ACSL6: variants seen among roughly 807,000 people sequenced by gnomAD.
ACSL6 encodes the protein acyl-CoA synthetase long chain family member 6.
ACSL6 carries 47 observed loss-of-function variants against 98.2 expected under a neutral mutation model. The observed-to-expected ratio is 0.48, with a 90% CI of 0.38 to 0.61. The LOEUF is 0.61. ACSL6 is among the 20% of genes least tolerant of loss of function. The probability of loss-of-function intolerance (pLI) is 0.00; values close to 1 mark genes in which losing one functional copy is unlikely to be tolerated. For synonymous variants in ACSL6, 362 were observed against 336.9 expected, an observed-to-expected ratio of 1.07 and a Z score of -0.82; for missense variants, 761 against 913.4, an observed-to-expected ratio of 0.83 and a Z score of 2.15.
At chr5:131,986,894 C>A (rs1478766309) in intron 7 of ACSL6, 40 bp from the exon 8 acceptor site, 1 of 1,447,978 alleles carries the variant, frequency 6.9e-7, no homozygotes, top group Non-Finnish European at 9.5e-7. Context: ...CTCAAAAGTT[C>A]TCTCTCTCTC....
Position 131,967,960 on chromosome 5 carries a change from C to A in ACSL6, c.1576G>T (p.Ala526Ser). 6.2e-7 allele frequency: 1 copy of A among 1,613,958 alleles called. No homozygotes were observed. The highest frequency in any genetic ancestry group is 1.3e-5 in the African/African-American group (1 of 75,032). The change falls in exon 16 of 21, where the codon GCC (alanine) becomes TCC (serine). Residue 526 changes from alanine (A) to serine (S), a missense_variant. Physicochemically the swap from Ala to Ser is moderately conservative, Grantham distance 99. Coordinates refer to ENST00000651883, the MANE Select transcript of ACSL6 (RefSeq NM_001009185.3). Reference protein sequence around the residue: ...LVDVEELNYWACKGEGEICVR... With the variant: ...LVDVEELNYWSCKGEGEICVR... The stretch of plus-strand genomic sequence containing the variant: ...TTTACCTCTCCCTCTCCTTTGCAGG[C>A]CCAGTAGTTCAGTTCCTCAACATCA...
chr5:131,985,258 T>G, intron 9 of ACSL6, 149 bp downstream of exon 9: 1 of 917,178 alleles, frequency 1.1e-6, no homozygotes. Context: ...CACTGGGAGG[T>G]GCAGGAGGTC....
At chr5:132,002,386 G>T (rs1270081543) in intron 1 of ACSL6, among the ~76,000 whole-genome samples, 1 of 152,238 alleles carries the variant, frequency 6.6e-6, no homozygotes, top group Non-Finnish European at 1.5e-5. Flanking sequence ...GGCTGCTCAT[G>T]GCGAGGCCAT....
At chr5:131,999,820 G>A (rs772442376) in intron 1 of ACSL6, among the ~76,000 whole-genome samples, 2 of 152,156 alleles carry the variant, frequency 1.3e-5, no homozygotes, top group African/African-American at 2.4e-5. Context: ...CCCTGCCAGC[G>A]TGCCAGAGCC....
At chr5:131,957,480 A>G (rs1752474010) in intron 20 of ACSL6, among the ~76,000 whole-genome samples, 1 of 152,240 alleles carries the variant, frequency 6.6e-6, no homozygotes, top group Non-Finnish European at 1.5e-5. Context: ...TCCATAAATT[A>G]ATAATGGTTG....
At chr5:131,968,836 G>C (rs1753157203) in intron 15 of ACSL6, among the ~76,000 whole-genome samples, 1 of 152,188 alleles carries the variant, frequency 6.6e-6, no homozygotes, top group South Asian at 2.1e-4. Flanking sequence ...TAAAAGAGAG[G>C]CTGTCAAATT....
At chr5:131,954,671 G>T (rs116820278) in intron 20 of ACSL6, among the ~76,000 whole-genome samples, 4 of 152,118 alleles carry the variant, frequency 2.6e-5, no homozygotes, top group African/African-American at 9.7e-5. Context: ...GCACATTCAC[G>T]TCCAGTAGTG....
chr5:131,991,513 AG>A (rs1281320834), intron 2 of ACSL6, among the ~76,000 whole-genome samples: 2 of 152,216 alleles, frequency 1.3e-5, no homozygotes, highest in Non-Finnish European at 2.9e-5. Context: ...ACAGAAGCCT[AG>A]GAGGCTAGGG....
At chr5:131,960,377 T>C in intron 19 of ACSL6, 143 bp downstream of exon 19, 1 of 553,796 alleles carries the variant, frequency 1.8e-6, no homozygotes, top group Non-Finnish European at 3.1e-6. Context: ...AATCTCTGGT[T>C]TAGAATCCCC....
intron 16 of ACSL6, among the ~76,000 whole-genome samples, chr5:131,967,099 C>A (rs1030329898): frequency 6.6e-6 from 1 of 152,020 alleles, no homozygotes; most frequent in Non-Finnish European, 1.5e-5. Context: ...AATCCCAGTG[C>A]TTTGGGAAGC....
intron 18 of ACSL6, among the ~76,000 whole-genome samples, chr5:131,961,803 C>T (rs926846992): frequency 1.3e-5 from 2 of 152,040 alleles, no homozygotes; most frequent in Admixed American, 6.5e-5. Flanking sequence ...ATCCTAGTAA[C>T]CTATATTAGT....
rs183853651 is a variant in ACSL6 at position 132,005,241 on chromosome 5, G to T, written c.49+6264C>A. Among the ~76,000 whole-genome samples, 646 of 152,322 alleles carry T rather than the reference G, an allele frequency of 4.2e-3. 4 individuals carry two copies. The highest frequency in any genetic ancestry group is 0.014 in the African/African-American group (562 of 41,572). On this transcript the variant is annotated intron_variant, in intron 1 of 20. Transcript: ENST00000651883. ...CCCATCTGCTGGAAAGCACAGTCACGATGAACACTGAAGTTCTCCAGCCAC... is the reference window on the plus strand; with the variant it reads ...CCCATCTGCTGGAAAGCACAGTCACTATGAACACTGAAGTTCTCCAGCCAC...
chr5:131,953,905 T>A lies in ACSL6; in HGVS notation c.*329A>T. 1 of 219,528 alleles carries A rather than the reference T, an allele frequency of 4.6e-6. No homozygotes were observed. Among genetic ancestry groups the A allele is most frequent in the Non-Finnish European group, 9.1e-6 (1 of 109,836 alleles). 13.6% of individuals were successfully genotyped at this position (219,528 alleles called of 1,614,324 possible). A position where few individuals can be genotyped will look rare whatever the true frequency, so the allele number is the denominator to read the frequency against. On this transcript the variant is annotated 3_prime_UTR_variant, in exon 21 of 21. Transcript: ENST00000651883. ...ATAATTAAGTAGAATATATCACTTA[T>A]GTTTTTCCTTTATGTTTAATAGTTC... is the stretch of plus-strand genomic sequence containing the variant.
intron 20 of ACSL6, among the ~76,000 whole-genome samples, chr5:131,956,108 G>A (rs1174679142): frequency 3.9e-5 from 6 of 152,120 alleles, no homozygotes; most frequent in Admixed American, 3.9e-4. Context: ...TTGTATAATT[G>A]GGACAAGAGT....
intron 3 of ACSL6, among the ~76,000 whole-genome samples, chr5:131,990,604 T>C (rs1372973313): frequency 6.6e-6 from 1 of 151,800 alleles, no homozygotes; most frequent in Non-Finnish European, 1.5e-5. Flanking sequence ...GAGTATAGAG[T>C]GTGGGCCAAG....
chr5:131,969,148 TG>T (rs1753171306), intron 15 of ACSL6, among the ~76,000 whole-genome samples: 1 of 152,196 alleles, frequency 6.6e-6, no homozygotes, highest in African/African-American at 2.4e-5. Context: ...TTTCCAAGCC[TG>T]GGGCCACTCT....
chr5:131,976,816 G>A, intron 9 of ACSL6, 95 bp from the exon 10 acceptor site: 2 of 993,202 alleles, frequency 2.0e-6, no homozygotes, highest in South Asian at 1.3e-5. Context: ...CACCCATGCT[G>A]TCTACCCAAG....
chr5:131,993,753 T>C (rs1754646859), intron 2 of ACSL6: 1 of 437,306 alleles, frequency 2.3e-6, no homozygotes, highest in Non-Finnish European at 4.2e-6. Flanking sequence ...GCAATACCAA[T>C]GAGCCAAGGC....
Position 131,988,137 on chromosome 5 carries a change from G to C in ACSL6, c.742C>G (p.Leu248Val). The C allele has an allele frequency of 1.2e-6, 2 of 1,614,206 alleles. No individual in the cohort carries two copies. Among genetic ancestry groups the C allele is most frequent in the Non-Finnish European group, 1.7e-6 (2 of 1,180,032 alleles). The change falls in exon 7 of 21, where the codon CTG (leucine) becomes GTG (valine). Residue 248 changes from leucine (L) to valine (V), a missense_variant. By Grantham distance (32) the Leu-to-Val change is conservative. Transcript: ENST00000651883. ...VERKETPGLKLIILMDPFEEA... is the reference protein window; with the variant it reads ...VERKETPGLKVIILMDPFEEA... ...TCGAATGGGTCCATGAGGATGATCA[G>C]CTTGAGGCCTGGAGTCTCCTTCCTC...
Sources: allele counts gnomAD v4.1 joint callset (sites outside exome capture counted in the v4.1 genomes callset), GRCh38; gene constraint gnomAD v4.1.1; transcripts MANE v1.5; gene names NCBI Gene and HGNC (gene_info 2026-07-23, HGNC 2026-07-21).